Variants in UBE2H observed in about 807,000 individuals in gnomAD.
The protein encoded by UBE2H is ubiquitin-conjugating enzyme E2 H.
A neutral mutation model predicts 29.0 loss-of-function variants in UBE2H; 3 were observed. The ratio of observed to expected loss-of-function variants is 0.10; its 90% CI spans 0.05 to 0.27. The LOEUF is 0.27. UBE2H is among the 10% of genes least tolerant of loss of function. The pLI is 1.00. For missense variants in UBE2H, 68 were observed against 228.2 expected (o/e 0.30, Z 4.52); for synonymous variants, 69 against 82.9 (o/e 0.83, Z 0.91).
chr7:129,898,980 G>A (rs1806655295), intron 1 of UBE2H, among the ~76,000 whole-genome samples: 1 of 152,144 alleles, frequency 6.6e-6, no homozygotes, highest in Non-Finnish European at 1.5e-5. Context: ...AAGACATGTA[G>A]GTACAAACTG....
chr7:129,927,434 G>A (rs1362593783), intron 1 of UBE2H, among the ~76,000 whole-genome samples: 1 of 152,118 alleles, frequency 6.6e-6, no homozygotes, highest in Admixed American at 6.5e-5. Flanking sequence ...CAGCTACTTG[G>A]GGAGGCTGAG....
chr7:129,861,075 A>C (rs1805791723), intron 3 of UBE2H, among the ~76,000 whole-genome samples: 1 of 152,104 alleles, frequency 6.6e-6, no homozygotes, highest in South Asian at 2.1e-4. Flanking sequence ...GAAATAAAAA[A>C]TTAGCTGAGT....
At chr7:129,904,712 G>T (rs1420050360) in intron 1 of UBE2H, among the ~76,000 whole-genome samples, 4 of 152,212 alleles carry the variant, frequency 2.6e-5, no homozygotes, top group Non-Finnish European at 5.9e-5. Flanking sequence ...AGTGTGAGTA[G>T]GTGCCAGGCA....
intron 1 of UBE2H, among the ~76,000 whole-genome samples, chr7:129,944,744 A>ACACACG (rs1807724524): frequency 7.2e-6 from 1 of 138,470 alleles, no homozygotes; most frequent in Non-Finnish European, 1.6e-5. Context: ...ACACACACAC[A>ACACACG]CACACACGCA....
At chr7:129,906,881 T>C (rs1369540229) in intron 1 of UBE2H, among the ~76,000 whole-genome samples, 1 of 152,188 alleles carries the variant, frequency 6.6e-6, no homozygotes, top group African/African-American at 2.4e-5. Context: ...CCAAAGTCCA[T>C]GAAGCTAACT....
At chr7:129,854,819 G>A (rs765799460) in intron 5 of UBE2H, among the ~76,000 whole-genome samples, 62 of 151,718 alleles carry the variant, frequency 4.1e-4, no homozygotes, top group African/African-American at 1.4e-3. Context: ...TCTATTATCT[G>A]ACAAATAATG....
intron 3 of UBE2H, among the ~76,000 whole-genome samples, chr7:129,872,768 G>C (rs1245821931): frequency 7.4e-5 from 11 of 148,648 alleles, no homozygotes. Context: ...GCTTGAACCC[G>C]GGAGGCAGAG....
chr7:129,857,225 TTGCACATGTATTCATGTGTG>T, intron 5 of UBE2H: 2 of 366,158 alleles, frequency 5.5e-6, no homozygotes, highest in Non-Finnish European at 9.8e-6. Flanking sequence ...TATAAAATGT[TTGCACATGTATTCATGTGTG>T]TGCGCATGTA....
Position 129,867,262 on chromosome 7 carries a change from C to T in UBE2H, c.206-8321G>A, listed in dbSNP as rs774591279. Among the ~76,000 whole-genome samples, 7 of 151,690 alleles carry T rather than the reference C, an allele frequency of 4.6e-5. No individual in the cohort carries two copies. The South Asian group carries it at 1.0e-3, about 23-fold the overall frequency. On this transcript the variant is annotated intron_variant, in intron 3 of 6. Transcript: ENST00000355621. ...TACACATGCACACGTATGTTTATTG[C>T]GGCACTATTCACAATAGCAAAGACT...
intron 1 of UBE2H, among the ~76,000 whole-genome samples, chr7:129,950,013 A>T (rs1807843212): frequency 6.6e-6 from 1 of 152,152 alleles, no homozygotes; most frequent in Non-Finnish European, 1.5e-5. Context: ...ATTTTAGTAG[A>T]GGGCTGGGGA....
chr7:129,891,079 T>C (rs1431886136), intron 1 of UBE2H, among the ~76,000 whole-genome samples: 1 of 150,478 alleles, frequency 6.6e-6, no homozygotes, highest in Non-Finnish European at 1.5e-5. Context: ...GAGGTTGCGG[T>C]GAGCCGAGAT....
chr7:129,931,942 G>C (rs939735677), intron 1 of UBE2H, among the ~76,000 whole-genome samples: 53 of 148,200 alleles, frequency 3.6e-4, no homozygotes, highest in African/African-American at 1.2e-3. Flanking sequence ...CTACTCCTCA[G>C]CCTCCCCAGT....
chr7:129,907,813 G>A (rs1204013080), intron 1 of UBE2H, among the ~76,000 whole-genome samples: 1 of 151,960 alleles, frequency 6.6e-6, no homozygotes, highest in Non-Finnish European at 1.5e-5. Context: ...TCAAAACAAA[G>A]GACAAAGATA....
chr7:129,889,338 G>A (rs2116393382), intron 1 of UBE2H, among the ~76,000 whole-genome samples: 1 of 152,308 alleles, frequency 6.6e-6, no homozygotes. Flanking sequence ...ATTAAACAGA[G>A]CCCTCACAGG....
intron 1 of UBE2H, among the ~76,000 whole-genome samples, chr7:129,885,246 G>A (rs549676725): frequency 3.2e-4 from 49 of 152,254 alleles, no homozygotes; most frequent in Non-Finnish European, 6.2e-4. Context: ...CAAGGATAAT[G>A]AAAGAACGGA....
At chr7:129,931,770 G>A (rs56222328) in intron 1 of UBE2H, among the ~76,000 whole-genome samples, 19,376 of 151,328 alleles carry the variant, frequency 0.13, 1,568 homozygotes, top group East Asian at 0.3. Context: ...TAACTGCAAT[G>A]TGGAATCTTA....
intron 1 of UBE2H, among the ~76,000 whole-genome samples, chr7:129,893,672 G>A (rs183619099): frequency 6.6e-6 from 1 of 152,138 alleles, no homozygotes; most frequent in Non-Finnish European, 1.5e-5. Flanking sequence ...AAGCTAGAAG[G>A]CTATCGATGA....
chr7:129,845,385 A>G (rs974835964), intron 5 of UBE2H, among the ~76,000 whole-genome samples: 27 of 152,210 alleles, frequency 1.8e-4, no homozygotes, highest in Non-Finnish European at 2.9e-5. Context: ...CCTATCCCCA[A>G]AGAATAGACG....
intron 1 of UBE2H, among the ~76,000 whole-genome samples, chr7:129,932,113 C>T (rs1179239114): frequency 1.1e-4 from 17 of 150,528 alleles, no homozygotes; most frequent in Non-Finnish European, 1.6e-4. Flanking sequence ...TGAGCCACTG[C>T]GCCCAGCCCA....
Sources: gnomAD v4.1 joint callset for allele counts (sites outside exome capture counted in the v4.1 genomes callset) on GRCh38, gnomAD v4.1.1 for gene constraint, MANE v1.5 for transcripts, NCBI Gene and HGNC (gene_info 2026-07-23, HGNC 2026-07-21) for gene names.